Variants in PCDH11X observed in about 807,000 individuals in gnomAD.
PCDH11X encodes the protein protocadherin 11 X-linked.
PCDH11X carries 18 observed loss-of-function variants against 53.3 expected under a neutral mutation model. The ratio of observed to expected loss-of-function variants is 0.34; its 90% CI spans 0.23 to 0.50. The LOEUF is 0.50. PCDH11X is among the 20% of genes least tolerant of loss of function. The probability of loss-of-function intolerance (pLI) is 0.98; values close to 1 mark genes in which losing one functional copy is unlikely to be tolerated. For missense variants in PCDH11X, 570 were observed against 1,032.4 expected (o/e 0.55, Z 6.14); for synonymous variants, 279 against 393.3 (o/e 0.71, Z 3.44).
intron 6 of PCDH11X, among the ~76,000 whole-genome samples, chrX:92,132,614 A>G (rs2065001527): frequency 1.1e-5 from 1 of 89,376 alleles, no homozygotes; most frequent in South Asian, 5.3e-4. Context: ...TCTCAAAAGA[A>G]AAAAAGAAAT....
intron 9 of PCDH11X, among the ~76,000 whole-genome samples, chrX:92,407,338 C>G (rs1204321586): frequency 9.0e-6 from 1 of 110,592 alleles, no homozygotes; most frequent in Non-Finnish European, 1.9e-5. Flanking sequence ...TTTAAAGTTA[C>G]TCTTGGGTAT....
chrX:92,042,459 A>C (rs1469607864), intron 6 of PCDH11X, among the ~76,000 whole-genome samples: 1 of 103,296 alleles, frequency 9.7e-6, no homozygotes, highest in Non-Finnish European at 1.9e-5. Context: ...TCTGAGTATA[A>C]AATCTTCTGA....
intron 8 of PCDH11X, among the ~76,000 whole-genome samples, chrX:92,365,104 A>G (rs996564214): frequency 2.3e-5 from 2 of 85,972 alleles, no homozygotes; most frequent in African/African-American, 8.6e-5. Flanking sequence ...TCCTTGTCCT[A>G]CTGGGAGGTT....
chrX:91,997,860 T>C (rs2062445755), intron 6 of PCDH11X, among the ~76,000 whole-genome samples: 1 of 110,375 alleles, frequency 9.1e-6, no homozygotes, highest in South Asian at 3.9e-4. Flanking sequence ...GGTGTTTTCT[T>C]TGTTAGATTT....
At chrX:91,918,335 G>A (rs1941637965) in intron 6 of PCDH11X, among the ~76,000 whole-genome samples, 1 of 108,439 alleles carries the variant, frequency 9.2e-6, no homozygotes, top group Non-Finnish European at 1.9e-5. Flanking sequence ...TTCATCTTGA[G>A]GAGATCAAGT....
chrX:92,106,929 A>T (rs1267908119), intron 6 of PCDH11X, among the ~76,000 whole-genome samples: 10 of 111,683 alleles, frequency 9.0e-5, no homozygotes, highest in Admixed American at 1.9e-4. Context: ...GCATCAACAC[A>T]GATCTTAAAT....
At chrX:92,616,782 T>C (rs1928016753) in intron 10 of PCDH11X, among the ~76,000 whole-genome samples, 1 of 110,047 alleles carries the variant, frequency 9.1e-6, no homozygotes, top group Non-Finnish European at 1.9e-5. Context: ...CCATCTAAGA[T>C]TTCCTTTTTA....
chrX:91,920,044 C>G (rs1346188893), intron 6 of PCDH11X, among the ~76,000 whole-genome samples: 35 of 111,530 alleles, frequency 3.1e-4, no homozygotes, highest in South Asian at 7.3e-4. Flanking sequence ...TAATTAAAAG[C>G]TTTTCTACTG....
chrX:92,295,978 G>A (rs1338755768), intron 8 of PCDH11X, among the ~76,000 whole-genome samples: 1 of 109,514 alleles, frequency 9.1e-6, no homozygotes, highest in African/African-American at 3.3e-5. Flanking sequence ...AGCTACTTGG[G>A]AGGCTGAGGC....
At chrX:92,291,582 A>G (rs2068494675) in intron 8 of PCDH11X, among the ~76,000 whole-genome samples, 2 of 99,123 alleles carry the variant, frequency 2.0e-5, no homozygotes, top group South Asian at 5.1e-4. Context: ...AGCAAAATGA[A>G]CTATCTAATT....
At chrX:92,188,887 T>C (rs1192928716) in intron 6 of PCDH11X, among the ~76,000 whole-genome samples, 1 of 111,311 alleles carries the variant, frequency 9.0e-6, no homozygotes, top group Non-Finnish European at 1.9e-5. Flanking sequence ...TTCAATGCAA[T>C]CACAGATTTA....
At chrX:91,881,143 C>A (rs767087453) in intron 6 of PCDH11X, among the ~76,000 whole-genome samples, 57 of 109,829 alleles carry the variant, frequency 5.2e-4, no homozygotes, top group African/African-American at 1.8e-3. Context: ...AGTTTATGAA[C>A]ACATAGCAAG....
chrX:92,475,034 G>A (rs1160028663), intron 10 of PCDH11X, among the ~76,000 whole-genome samples: 11 of 102,023 alleles, frequency 1.1e-4, no homozygotes, highest in Admixed American at 3.3e-4. Context: ...GCGTAGTGGC[G>A]GGCGCCTGTA....
At chrX:92,421,153 C>T (rs2071956864) in intron 9 of PCDH11X, among the ~76,000 whole-genome samples, 1 of 111,453 alleles carries the variant, frequency 9.0e-6, no homozygotes, top group Non-Finnish European at 1.9e-5. Flanking sequence ...TTCAGGGGCA[C>T]ATGTTATACA....
chrX:92,453,470 C>T (rs1382381663), intron 9 of PCDH11X, among the ~76,000 whole-genome samples: 2 of 110,970 alleles, frequency 1.8e-5, no homozygotes, highest in African/African-American at 3.3e-5. Context: ...TGTGAAAATT[C>T]TGTCAGTTGT....
chrX:91,932,712 G>A (rs890562359), intron 6 of PCDH11X, among the ~76,000 whole-genome samples: 9 of 110,508 alleles, frequency 8.1e-5, no homozygotes, highest in East Asian at 2.9e-4. Context: ...GCGCGCGCGC[G>A]CCTGAGAAAG....
chrX:92,262,901 C>A lies in PCDH11X; in HGVS notation c.3115-213C>A, dbSNP rs747313108. 4 of 334,180 alleles carry A rather than the reference C, an allele frequency of 1.2e-5. No homozygotes were observed. The East Asian group carries it at 6.6e-4, about 55-fold the overall frequency. The allele number at this position is 334,180 out of a possible 1,213,427, so 27.5% of individuals were successfully genotyped here. On this transcript the variant is annotated intron_variant, in intron 7 of 10. Coordinates refer to ENST00000682573, the MANE Select transcript of PCDH11X (RefSeq NM_032968.5). ...ATATTTTTGCACAAGATTTACAATG[C>A]TGTTATATCCCTTTACTCAAACCAC...
At chrX:92,034,550 G>A (rs993476650) in intron 6 of PCDH11X, among the ~76,000 whole-genome samples, 1 of 106,132 alleles carries the variant, frequency 9.4e-6, no homozygotes, top group Non-Finnish European at 1.9e-5. Flanking sequence ...TCTGATATCA[G>A]TATAGCTACT....
intron 9 of PCDH11X, among the ~76,000 whole-genome samples, chrX:92,390,594 A>G (rs1360966851): frequency 1.9e-5 from 2 of 105,819 alleles, no homozygotes; most frequent in Non-Finnish European, 3.9e-5. Flanking sequence ...TGTCAATAGC[A>G]CCACTGATAG....
Sources: allele counts gnomAD v4.1 joint callset (sites outside exome capture counted in the v4.1 genomes callset), GRCh38; gene constraint gnomAD v4.1.1; transcripts MANE v1.5; gene names NCBI Gene and HGNC (gene_info 2026-07-23, HGNC 2026-07-21).